The following SLC15A1 variants were observed in gnomAD, a reference collection of about 807,000 sequenced individuals.
The protein encoded by SLC15A1 is solute carrier family 15 member 1.
SLC15A1 carries 83 observed loss-of-function variants against 92.9 expected under a neutral mutation model. The ratio of observed to expected loss-of-function variants is 0.89; its 90% CI spans 0.75 to 1.07. SLC15A1 has a LOEUF of 1.07. SLC15A1 is among the 50% of genes least tolerant of loss of function. SLC15A1 has a pLI of 0.00. For missense variants in SLC15A1, 857 were observed against 880.1 expected, an observed-to-expected ratio of 0.97 and a Z score of 0.33; for synonymous variants, 322 against 318.2, an observed-to-expected ratio of 1.01 and a Z score of -0.13.
chr13:98,695,504 T>C (rs2139566797), intron 18 of SLC15A1, among the ~76,000 whole-genome samples: 1 of 152,280 alleles, frequency 6.6e-6, no homozygotes, highest in Non-Finnish European at 1.5e-5. Context: ...GTGATTCTCT[T>C]GCCTCAGCCT....
intron 10 of SLC15A1, 34 bp downstream of exon 10, chr13:98,712,463 GA>G: frequency 6.7e-7 from 1 of 1,482,620 alleles, no homozygotes. Context: ...CTTCCTGGGG[GA>G]ATCAGGGTCA....
rs180780491 is a variant in SLC15A1, at chr13:98,726,958, G to A, written c.5-99C>T. ...CTCTGACTTTTTAGGGTGGTCAGAGGGGCCATTCACCAAACAGCTCCAGCC... is the reference window on the plus strand; with the variant it reads ...CTCTGACTTTTTAGGGTGGTCAGAGAGGCCATTCACCAAACAGCTCCAGCC... On this transcript the variant is annotated intron_variant, in intron 1 of 22. Coordinates refer to ENST00000376503, the MANE Select transcript of SLC15A1 (RefSeq NM_005073.4). 23 of 1,160,806 alleles carry A rather than the reference G, an allele frequency of 2.0e-5. No individual in the cohort carries two copies. The Admixed American group carries it at 3.3e-4, about 17-fold the overall frequency. 71.9% of individuals were successfully genotyped at this position (1,160,806 alleles called of 1,614,324 possible).
chr13:98,734,145 T>C (rs1393650167), intron 1 of SLC15A1, among the ~76,000 whole-genome samples: 3 of 152,138 alleles, frequency 2.0e-5, no homozygotes, highest in Non-Finnish European at 4.4e-5. Context: ...TTTGTATTTT[T>C]AGTAGAGACG....
intron 1 of SLC15A1, among the ~76,000 whole-genome samples, chr13:98,732,892 A>G (rs544518923): frequency 2.0e-5 from 3 of 152,324 alleles, no homozygotes; most frequent in African/African-American, 7.2e-5. Flanking sequence ...TCCATGTCGT[A>G]ATCTCTGGGA....
chr13:98,746,183 G>A (rs892455250), intron 1 of SLC15A1, among the ~76,000 whole-genome samples: 2 of 152,174 alleles, frequency 1.3e-5, no homozygotes, highest in African/African-American at 2.4e-5. Context: ...CTCCATCCAT[G>A]TTCCTATAAA....
intron 18 of SLC15A1, among the ~76,000 whole-genome samples, chr13:98,691,571 G>T (rs78854971): frequency 0.011 from 1,740 of 152,152 alleles, 18 homozygotes; most frequent in Middle Eastern, 0.045. Flanking sequence ...AATACATGGC[G>T]TATAGCCTGT....
chr13:98,701,667 AT>A (rs34078820), intron 18 of SLC15A1, among the ~76,000 whole-genome samples: 9,523 of 115,464 alleles, frequency 0.082, 628 homozygotes, highest in African/African-American at 0.21. Flanking sequence ...TACTCAGCTA[AT>A]TTTTTTTTTT....
intron 18 of SLC15A1, among the ~76,000 whole-genome samples, chr13:98,690,720 C>A (rs950061773): frequency 6.6e-6 from 1 of 152,170 alleles, no homozygotes; most frequent in Admixed American, 6.5e-5. Context: ...CACACCTAGA[C>A]GGTGCCACCC....
chr13:98,711,231 T>C (rs2088160465), intron 11 of SLC15A1, among the ~76,000 whole-genome samples: 1 of 152,222 alleles, frequency 6.6e-6, no homozygotes, highest in African/African-American at 2.4e-5. Context: ...TAAACCAGGA[T>C]TGATCTTTAA....
At chr13:98,747,431 G>A (rs932945509) in intron 1 of SLC15A1, among the ~76,000 whole-genome samples, 14 of 152,074 alleles carry the variant, frequency 9.2e-5, no homozygotes, top group Admixed American at 3.3e-4. Flanking sequence ...TCTACACCAG[G>A]CCCCCAGTCA....
At chr13:98,741,714 A>G (rs1258589438) in intron 1 of SLC15A1, among the ~76,000 whole-genome samples, 4 of 117,700 alleles carry the variant, frequency 3.4e-5, no homozygotes, top group South Asian at 6.0e-4. Flanking sequence ...ACAGAGGGAG[A>G]CTCCGTCTCA....
At position 98,730,024 on chromosome 13, in the gene SLC15A1, G is replaced by C. The variant is rs188235595; in HGVS notation, c.5-3165C>G. ...GTTGGAGACCAGCCTGGCCAACATG[G>C]TGAAACCCTGTCTCTACTAAAAATA... is the stretch of plus-strand genomic sequence containing the variant. On this transcript the variant is annotated intron_variant, in intron 1 of 22. Transcript: ENST00000376503. Among the ~76,000 whole-genome samples, 1,171 of 152,084 alleles carry C rather than the reference G, an allele frequency of 7.7e-3. 15 individuals are homozygous for C. Among genetic ancestry groups the C allele is most frequent in the African/African-American group, 0.027 (1,101 of 41,478 alleles).
chr13:98,713,057 ATTTG>A (rs1015006427), intron 9 of SLC15A1, among the ~76,000 whole-genome samples: 7 of 152,162 alleles, frequency 4.6e-5, no homozygotes, highest in African/African-American at 4.8e-5. Flanking sequence ...ATCTCAGTTT[ATTTG>A]TTTGTTTGTT....
intron 18 of SLC15A1, among the ~76,000 whole-genome samples, chr13:98,692,240 A>G (rs1371586492): frequency 7.0e-6 from 1 of 143,478 alleles, no homozygotes; most frequent in Non-Finnish European, 1.5e-5. Context: ...TGCAGCCTTG[A>G]ACTCCTGGGC....
At chr13:98,686,158 A>G (rs1388749836) in intron 22 of SLC15A1, 32 bp downstream of exon 22, 47 of 1,472,910 alleles carry the variant, frequency 3.2e-5, no homozygotes, top group Non-Finnish European at 4.0e-5. Context: ...GGAAAGACAG[A>G]GGTATGTGCA....
intron 7 of SLC15A1, chr13:98,721,244 G>A (rs556525364): frequency 1.6e-6 from 1 of 633,298 alleles, no homozygotes; most frequent in African/African-American, 1.8e-5. Context: ...AACAGTTTAG[G>A]AAGATGGATG....
chr13:98,684,430 A>G lies in SLC15A1; in HGVS notation c.*294T>C, dbSNP rs1314672489. ...CGTGGTGGTGCATGCCGCTAATCCC[A>G]GCCACTCGGGAGGCTGAGGCAGGAG... On this transcript the variant is annotated 3_prime_UTR_variant, in exon 23 of 23. Coordinates refer to ENST00000376503, the MANE Select transcript of SLC15A1 (RefSeq NM_005073.4). The G allele has an allele frequency of 2.2e-5, 5 of 229,876 alleles. No individual in the cohort carries two copies. Among genetic ancestry groups the G allele is most frequent in the Middle Eastern group, 3.3e-3 (2 of 610 alleles). The allele number at this position is 229,876 out of a possible 1,614,324, so 14.2% of individuals were successfully genotyped here.
At chr13:98,722,291 T>C (rs1234830402) in intron 5 of SLC15A1, among the ~76,000 whole-genome samples, 2 of 152,206 alleles carry the variant, frequency 1.3e-5, no homozygotes, top group Non-Finnish European at 2.9e-5. Flanking sequence ...TTAAGTAACA[T>C]TGGAAAACAT....
intron 9 of SLC15A1, 101 bp from the exon 10 acceptor site, chr13:98,712,685 G>C: frequency 2.6e-6 from 2 of 762,384 alleles, no homozygotes; most frequent in Non-Finnish European, 4.4e-6. Context: ...ATATACGTGT[G>C]AGAAAAGCAA....
Sources: gnomAD v4.1 joint callset for allele counts (sites outside exome capture counted in the v4.1 genomes callset) on GRCh38, gnomAD v4.1.1 for gene constraint, MANE v1.5 for transcripts, NCBI Gene and HGNC (gene_info 2026-07-23, HGNC 2026-07-21) for gene names.